PDE8B: variants seen among roughly 807,000 people sequenced by gnomAD.
PDE8B encodes the protein high affinity cAMP-specific and IBMX-insensitive 3',5'-cyclic phosphodiesterase 8B.
In PDE8B, 26 loss-of-function variants were observed where a neutral mutation model predicts 101.3. The ratio of observed to expected loss-of-function variants is 0.26; its 90% CI spans 0.19 to 0.36. The LOEUF (loss-of-function observed/expected upper bound fraction) is 0.36. PDE8B is among the 10% of genes least tolerant of loss of function. The probability of loss-of-function intolerance (pLI) is 1.00; values close to 1 mark genes in which losing one functional copy is unlikely to be tolerated. For missense variants in PDE8B, 810 were observed against 1,163.1 expected, an observed-to-expected ratio of 0.70 and a Z score of 4.42; for synonymous variants, 424 against 429.3, an observed-to-expected ratio of 0.99 and a Z score of 0.15.
chr5:77,319,934 C>A (rs2359798), intron 2 of PDE8B, among the ~76,000 whole-genome samples: 126,740 of 152,152 alleles, frequency 0.83, 53,156 homozygotes, highest in East Asian at 0.97. Flanking sequence ...TTTTTAAATA[C>A]ATAAAACATC....
chr5:77,298,654 T>A (rs1769168493), intron 1 of PDE8B, among the ~76,000 whole-genome samples: 1 of 152,210 alleles, frequency 6.6e-6, no homozygotes, highest in African/African-American at 2.4e-5. Context: ...GCCATTTGGT[T>A]CACCAGACAC....
chr5:77,304,829 A>G (rs917340943), intron 1 of PDE8B, among the ~76,000 whole-genome samples: 8 of 152,234 alleles, frequency 5.3e-5, no homozygotes, highest in African/African-American at 1.7e-4. Flanking sequence ...ACCAAATATA[A>G]AAGACTTTAT....
intron 1 of PDE8B, among the ~76,000 whole-genome samples, chr5:77,225,781 A>G (rs983231694): frequency 1.3e-5 from 2 of 151,890 alleles, no homozygotes; most frequent in Non-Finnish European, 2.9e-5. Flanking sequence ...CCTCTTTCCC[A>G]TGACATAAAT....
At chr5:77,413,658 A>C (rs1581573724) in intron 17 of PDE8B, among the ~76,000 whole-genome samples, 1 of 152,192 alleles carries the variant, frequency 6.6e-6, no homozygotes, top group Non-Finnish European at 1.5e-5. Flanking sequence ...CTATAGGTTA[A>C]ATTTTAGTAT....
intron 18 of PDE8B, 76 bp from the exon 19 acceptor site, chr5:77,419,691 G>A: frequency 6.5e-7 from 1 of 1,545,512 alleles, no homozygotes; most frequent in Non-Finnish European, 8.9e-7. Context: ...TGTGAGGAGT[G>A]TAGTGAAATG....
chr5:77,221,153 T>C (rs1338333711), intron 1 of PDE8B, among the ~76,000 whole-genome samples: 1 of 152,234 alleles, frequency 6.6e-6, no homozygotes, highest in African/African-American at 2.4e-5. Flanking sequence ...TCAATCACAC[T>C]TTTCTAATTG....
chr5:77,112,021 TTAATG>T, the PDE8B span: 11 of 152,194 alleles, frequency 7.2e-5, no homozygotes, highest in African/African-American at 2.7e-4. Context: ...TATATGTTGT[TTAATG>T]TAATATGTTA....
At chr5:77,173,666 G>A in the PDE8B span, among the ~76,000 whole-genome samples, 7 of 152,016 alleles carry the variant, frequency 4.6e-5, no homozygotes. Context: ...GTGAGAATTT[G>A]CTGAAAATAC....
chr5:77,174,321 G>C, the PDE8B span, among the ~76,000 whole-genome samples: 2 of 152,110 alleles, frequency 1.3e-5, no homozygotes, highest in Non-Finnish European at 2.9e-5. Context: ...CACAGCCACT[G>C]AGTCAGTCAC....
chr5:77,340,421 A>T (rs1404363761), intron 6 of PDE8B, among the ~76,000 whole-genome samples: 1 of 152,140 alleles, frequency 6.6e-6, no homozygotes, highest in African/African-American at 2.4e-5. Context: ...ACCAGTCCCT[A>T]TTGCTTTATT....
chr5:77,278,709 T>G (rs1304953292), intron 1 of PDE8B, among the ~76,000 whole-genome samples: 1 of 152,138 alleles, frequency 6.6e-6, no homozygotes, highest in Non-Finnish European at 1.5e-5. Context: ...GACCTCGTGA[T>G]TCCCAAAGTG....
At position 77,210,903 on chromosome 5, in the gene PDE8B, G is replaced by T. The variant is rs574193520; in HGVS notation, c.-23G>T. On this transcript the variant is annotated 5_prime_UTR_variant, in exon 1 of 22. Transcript: ENST00000264917. The surrounding 1 kb of genome is among the most constrained non-coding windows in gnomAD (Gnocchi z 4.9). The stretch of plus-strand genomic sequence containing the variant: ...CCGGCGGCCGCGGGCGCGGGCGGGC[G>T]CGCGGGGGAGCCCGGCCGAGGGATG... 5,436 of 1,306,022 alleles carry T rather than the reference G, an allele frequency of 4.2e-3. 12 individuals carry two copies. The highest frequency in any genetic ancestry group is 4.9e-3 in the Non-Finnish European group (5,095 of 1,031,882). 80.9% of individuals were successfully genotyped at this position (1,306,022 alleles called of 1,614,324 possible).
chr5:77,293,623 G>A (rs1322291248), intron 1 of PDE8B, among the ~76,000 whole-genome samples: 1 of 152,154 alleles, frequency 6.6e-6, no homozygotes, highest in East Asian at 1.9e-4. Flanking sequence ...TCAGTGAAAG[G>A]TTTTCCCCAG....
the PDE8B span, among the ~76,000 whole-genome samples, chr5:77,183,474 A>T: frequency 2.0e-5 from 3 of 152,298 alleles, no homozygotes; most frequent in Non-Finnish European, 2.9e-5. Context: ...ATCTTAGATG[A>T]CACAGCTAGT....
intron 5 of PDE8B, 48 bp downstream of exon 5, chr5:77,331,507 C>T (rs763145623): frequency 2.0e-5 from 27 of 1,379,502 alleles, no homozygotes; most frequent in Admixed American, 3.4e-5. Context: ...GCACCTTAAC[C>T]CCTAACTCTC....
chr5:77,088,349 T>G, the PDE8B span: 3 of 152,176 alleles, frequency 2.0e-5, no homozygotes, highest in African/African-American at 7.2e-5. Flanking sequence ...ACGGCTTAAG[T>G]GTTAACCAGC....
At chr5:77,204,994 T>G in the PDE8B span, among the ~76,000 whole-genome samples, 2 of 152,310 alleles carry the variant, frequency 1.3e-5, no homozygotes, top group Admixed American at 6.5e-5. Flanking sequence ...GAATGTTCCA[T>G]CTCTCCTAGC....
the PDE8B span, chr5:77,139,840 A>T: frequency 6.6e-6 from 1 of 151,986 alleles, no homozygotes; most frequent in Non-Finnish European, 1.5e-5. Context: ...TTTAATTTGT[A>T]TTTTCCTTTG....
the PDE8B span, among the ~76,000 whole-genome samples, chr5:77,115,524 A>C: frequency 6.6e-6 from 1 of 152,364 alleles, no homozygotes; most frequent in African/African-American, 2.4e-5. Context: ...AGTTTGAGGG[A>C]AAGAATGAAT....
Sources: gnomAD v4.1 joint callset for allele counts (sites outside exome capture counted in the v4.1 genomes callset) on GRCh38, gnomAD v4.1.1 for gene constraint, Gnocchi (gnomAD v3.1) non-coding constraint, MANE v1.5 for transcripts, NCBI Gene and HGNC (gene_info 2026-07-23, HGNC 2026-07-21) for gene names.